The following KHDC1 variants were observed in gnomAD, a reference collection of about 807,000 sequenced individuals.
KHDC1 encodes KH homology domain-containing protein 1.
A neutral mutation model predicts 24.7 loss-of-function variants in KHDC1; 21 were observed. That is an observed-to-expected ratio of 0.85 (90% CI 0.60 to 1.23). KHDC1 has a LOEUF of 1.23. KHDC1 is among the 50% of genes most tolerant of loss of function. The pLI is 0.00. For missense variants in KHDC1, 274 were observed against 298.5 expected (o/e 0.92, Z 0.61); for synonymous variants, 98 against 111.7 (o/e 0.88, Z 0.77).
intron 2 of KHDC1, among the ~76,000 whole-genome samples, chr6:73,255,754 T>G (rs1239654279): frequency 6.0e-5 from 9 of 151,186 alleles, no homozygotes; most frequent in Admixed American, 2.6e-4. Flanking sequence ...ATACAAAAAT[T>G]AACTGGGCAC....
At chr6:73,242,445 C>A (rs1490187990) in exon 3 of KHDC1, 1 of 1,614,096 alleles carries the variant, frequency 6.2e-7, no homozygotes, top group African/African-American at 1.3e-5. Flanking sequence ...ATGTGAAACA[C>A]CATTGGTGCA....
intron 2 of KHDC1, among the ~76,000 whole-genome samples, chr6:73,254,429 C>T (rs1766840831): frequency 6.6e-6 from 1 of 151,172 alleles, no homozygotes; most frequent in African/African-American, 2.4e-5. Context: ...CCACTGCACT[C>T]CAGCCTGGGC....
intron 2 of KHDC1, among the ~76,000 whole-genome samples, chr6:73,256,168 A>G (rs148385049): frequency 2.6e-5 from 4 of 152,294 alleles, no homozygotes; most frequent in African/African-American, 9.6e-5. Flanking sequence ...TTTTTATTCA[A>G]TATTAGAATA....
At chr6:73,286,314 A>G (rs1195480477) in intron 2 of KHDC1, among the ~76,000 whole-genome samples, 2 of 152,222 alleles carry the variant, frequency 1.3e-5, no homozygotes, top group African/African-American at 4.8e-5. Flanking sequence ...TGATAATTAG[A>G]TACTAATCAC....
intron 2 of KHDC1, among the ~76,000 whole-genome samples, chr6:73,273,059 A>T (rs1299962721): frequency 6.6e-6 from 1 of 151,108 alleles, no homozygotes; most frequent in Non-Finnish European, 1.5e-5. Flanking sequence ...GGGTTTCACC[A>T]TGTTGGCCAG....
intron 2 of KHDC1, among the ~76,000 whole-genome samples, chr6:73,252,950 G>A (rs933058633): frequency 3.3e-5 from 5 of 152,064 alleles, no homozygotes; most frequent in Non-Finnish European, 7.4e-5. Context: ...ATAATTTTAT[G>A]TCATAAAAGA....
intron 2 of KHDC1, among the ~76,000 whole-genome samples, chr6:73,245,905 T>G (rs1322033101): frequency 2.0e-5 from 3 of 152,234 alleles, no homozygotes; most frequent in African/African-American, 7.2e-5. Flanking sequence ...GGCTAGAACG[T>G]ATTTACAAAC....
chr6:73,274,119 G>T (rs929614093), intron 2 of KHDC1: 12 of 151,902 alleles, frequency 7.9e-5, no homozygotes, highest in African/African-American at 2.9e-4. Context: ...AAAACAAAAT[G>T]ACAATAATAG....
chr6:73,261,783 G>C (rs1766984649), intron 2 of KHDC1, among the ~76,000 whole-genome samples: 1 of 151,808 alleles, frequency 6.6e-6, no homozygotes, highest in Admixed American at 6.6e-5. Flanking sequence ...ATGGTGGCAG[G>C]CACCTGTAAT....
At chr6:73,301,346 A>C (rs1398905278) in intron 1 of KHDC1, 1 of 152,202 alleles carries the variant, frequency 6.6e-6, no homozygotes, top group Non-Finnish European at 1.5e-5. Flanking sequence ...ACTCTAACTC[A>C]CTGTTAAAAA....
intron 2 of KHDC1, among the ~76,000 whole-genome samples, chr6:73,243,478 T>C (rs755407741): frequency 1.3e-5 from 2 of 152,238 alleles, no homozygotes; most frequent in Non-Finnish European, 2.9e-5. Flanking sequence ...TCTCTACATC[T>C]GCATACAGTT....
intron 2 of KHDC1, among the ~76,000 whole-genome samples, chr6:73,280,812 G>A (rs1362097010): frequency 1.3e-5 from 2 of 151,940 alleles, no homozygotes; most frequent in African/African-American, 4.8e-5. Flanking sequence ...GAGCCACCAT[G>A]CCCAACCTAA....
chr6:73,301,557 A>T (rs1173947360), intron 1 of KHDC1, among the ~76,000 whole-genome samples: 5 of 152,222 alleles, frequency 3.3e-5, no homozygotes, highest in Admixed American at 2.0e-4. Flanking sequence ...CATTCTGTTA[A>T]ATTTAGAGCA....
chr6:73,298,063 T>C (rs1767791532), intron 1 of KHDC1, among the ~76,000 whole-genome samples: 1 of 152,042 alleles, frequency 6.6e-6, no homozygotes, highest in South Asian at 2.1e-4. Flanking sequence ...TGGTGGGGCA[T>C]GCCCGTATTC....
At chr6:73,272,110 G>GA (rs1301232639) in intron 2 of KHDC1, among the ~76,000 whole-genome samples, 3 of 151,592 alleles carry the variant, frequency 2.0e-5, no homozygotes, top group Non-Finnish European at 4.4e-5. Context: ...AGGTCCACCA[G>GA]AAAAAACTTT....
chr6:73,266,141 G>A (rs1359928263), intron 2 of KHDC1, among the ~76,000 whole-genome samples: 1 of 152,186 alleles, frequency 6.6e-6, no homozygotes, highest in South Asian at 2.1e-4. Context: ...AGGAGTGGAT[G>A]AGGATCTGTC....
At chr6:73,241,406 T>A in exon 5 of KHDC1, 1 of 852,960 alleles carries the variant, frequency 1.2e-6, no homozygotes, top group Non-Finnish European at 1.9e-6. Flanking sequence ...CTAGAAGACC[T>A]GAGAGGGACA....
intron 2 of KHDC1, among the ~76,000 whole-genome samples, chr6:73,250,446 T>C (rs576981084): frequency 3.4e-4 from 52 of 152,330 alleles, no homozygotes; most frequent in African/African-American, 1.2e-3. Flanking sequence ...TAGCAGGATA[T>C]GATTTTGGAA....
intron 2 of KHDC1, among the ~76,000 whole-genome samples, chr6:73,254,998 G>A (rs376864079): frequency 7.4e-5 from 11 of 149,440 alleles, no homozygotes; most frequent in African/African-American, 2.2e-4. Flanking sequence ...GCAAGACTCC[G>A]TCTCAAAAAG....
Sources: allele counts gnomAD v4.1 joint callset (sites outside exome capture counted in the v4.1 genomes callset), GRCh38; gene constraint gnomAD v4.1.1; transcripts MANE v1.5; gene names NCBI Gene and HGNC (gene_info 2026-07-23, HGNC 2026-07-21).